The following PDE4A variants were observed in gnomAD, a reference collection of about 807,000 sequenced individuals.
The protein encoded by PDE4A is phosphodiesterase 4A, also known as 3',5'-cyclic-AMP phosphodiesterase 4A.
A neutral mutation model predicts 73.9 loss-of-function variants in PDE4A; 21 were observed. That is an observed-to-expected ratio of 0.28 (90% CI 0.20 to 0.41). The LOEUF (loss-of-function observed/expected upper bound fraction) is 0.41, where lower values mean the gene tolerates loss of function less well. Ranked by LOEUF, PDE4A falls within the 10% of genes least tolerant of loss-of-function variation. The probability of loss-of-function intolerance (pLI) is 1.00; values close to 1 mark genes in which losing one functional copy is unlikely to be tolerated. For missense variants in PDE4A, 958 were observed against 1,211.4 expected, an observed-to-expected ratio of 0.79 and a Z score of 3.10; for synonymous variants, 463 against 505.4, an observed-to-expected ratio of 0.92 and a Z score of 1.13.
chr19:10,452,154 G>T (rs1177861533), intron 6 of PDE4A, among the ~76,000 whole-genome samples: 1 of 151,858 alleles, frequency 6.6e-6, no homozygotes, highest in East Asian at 1.9e-4. Context: ...TGGAAAGTGT[G>T]TCTGTGGGTG....
intron 1 of PDE4A, among the ~76,000 whole-genome samples, chr19:10,427,230 G>T (rs2042729000): frequency 6.6e-6 from 1 of 152,188 alleles, no homozygotes; most frequent in Non-Finnish European, 1.5e-5. Context: ...AACCCAGGAA[G>T]TGGAGGTTGC....
chr19:10,458,134 A>T lies in PDE4A; in HGVS notation c.1101+32A>T, dbSNP rs1408069509. On this transcript the variant is annotated intron_variant, in intron 8 of 14. Coordinates refer to ENST00000380702, the MANE Select transcript of PDE4A (RefSeq NM_001111307.2). This position sits in a 1 kb window ranked among gnomAD's most constrained non-coding sequence, Gnocchi z 4.6. ...GGGGGCTCAGTAGGGGCAGGGCTGG[A>T]GGGGGTGGTCTCCTGGGACCCTGAG... The T allele has an allele frequency of 6.2e-7, 1 of 1,605,368 alleles. No homozygotes were observed. The highest frequency in any genetic ancestry group is 8.5e-7 in the Non-Finnish European group (1 of 1,173,086).
At position 10,467,471 on chromosome 19, in the gene PDE4A, G is replaced by A. The variant is rs1223968611; in HGVS notation, c.2511G>A (p.Pro837=). ...TTTCAGAGCATGCCCCGGGCCTCCC[G>A]GGCCTCCCCTCCACGGCGGCCGAGG... ...LSVSEHAPGL[P]GLPSTAAEVE... is the part of the protein sequence containing the mutation. Residue 837 remains proline, a synonymous_variant, in exon 15 of 15, where the codon CCG becomes CCA. Transcript: ENST00000380702. The A allele has an allele frequency of 1.4e-5, 22 of 1,612,900 alleles. No homozygotes were observed. The highest frequency in any genetic ancestry group is 5.5e-5 in the South Asian group (5 of 91,064).
intron 14 of PDE4A, chr19:10,464,504 A>G: frequency 2.2e-6 from 1 of 449,592 alleles, no homozygotes; most frequent in South Asian, 1.6e-5. Context: ...GCAGCCTTGA[A>G]TTCCTGGGCT....
intron 4 of PDE4A, among the ~76,000 whole-genome samples, chr19:10,449,871 G>A (rs2043064950): frequency 6.6e-6 from 1 of 151,888 alleles, no homozygotes; most frequent in Non-Finnish European, 1.5e-5. Flanking sequence ...AAGGCAGGAG[G>A]TCACTTGAAT....
Position 10,420,912 on chromosome 19 carries a change from G to C in PDE4A, c.148G>C (p.Asp50His), listed in dbSNP as rs1398952354. The change falls in exon 1 of 15, where the codon GAC becomes CAC. Residue 50 changes from aspartate (D) to histidine (H), a missense_variant. Physicochemically the swap from Asp to His is moderately conservative, Grantham distance 81. This residue lies in a region of PDE4A where 145 missense variants were observed against 137.8 expected (regional missense o/e 1.05). Transcript: ENST00000380702. This position sits in a 1 kb window ranked among gnomAD's most constrained non-coding sequence, Gnocchi z 6.0. ...CCGTATCCAGCAGCGCGGCTACTCC[G>C]ACAGCGCGGAGCGCGCCGAGCGGGA... ...PIRIQQRGYS[D>H]SAERAERERQ... 1.9e-6 allele frequency: 3 copies of C among 1,584,850 alleles called. No homozygotes were observed. Among genetic ancestry groups the C allele is most frequent in the Admixed American group, 3.4e-5 (2 of 58,824 alleles).
chr19:10,419,264 T>C (rs918908657), upstream of PDE4A, among the ~76,000 whole-genome samples: 5 of 68,540 alleles, frequency 7.3e-5, no homozygotes, highest in East Asian at 4.5e-4. Flanking sequence ...GCGCGTGCAC[T>C]CCCCCCGCCC....
rs58606489 is a variant in PDE4A, at chr19:10,426,012, A to AAAAG, written c.320+4929_320+4930insAAGA. 3.8e-3 allele frequency among the ~76,000 whole-genome samples: 533 copies of AAAAG among 140,648 alleles called. 25 individuals carry two copies. The highest frequency in any genetic ancestry group is 0.014 in the African/African-American group (491 of 35,438). 92.3% of individuals were successfully genotyped at this position (140,648 alleles called of 152,430 possible). A position where few individuals can be genotyped will look rare whatever the true frequency, so the allele number is the denominator to read the frequency against. The stretch of plus-strand genomic sequence containing the variant: ...AAAAAAAAAAAAAAAAAAAAAAAAA[A>AAAAG]AGGAAGGAGGGAAGGAAGGAAAGAA... On this transcript the variant is annotated intron_variant, in intron 1 of 14. Coordinates refer to ENST00000380702, the MANE Select transcript of PDE4A (RefSeq NM_001111307.2).
At chr19:10,422,664 AC>A (rs1365039848) in intron 1 of PDE4A, among the ~76,000 whole-genome samples, 1 of 151,126 alleles carries the variant, frequency 6.6e-6, no homozygotes, top group Admixed American at 6.6e-5. Flanking sequence ...CCTCCAGGCC[AC>A]CCCCACCTCT....
chr19:10,449,206 T>C (rs1158878977), intron 4 of PDE4A, 56 bp downstream of exon 4: 3 of 1,573,206 alleles, frequency 1.9e-6, no homozygotes, highest in Middle Eastern at 1.7e-4. Context: ...ATATGCGGGT[T>C]CTGCTCTCAG....
rs1200670579 is a variant in PDE4A at position 10,424,184 on chromosome 19, C to T, written c.320+3100C>T. ...AGACGGCTGAGTCACGGCACAGCCA[C>T]GATCTGTCAAGAGGCAGATGGAGAG... On this transcript the variant is annotated intron_variant, in intron 1 of 14. Transcript: ENST00000380702. This position sits in a 1 kb window ranked among gnomAD's most constrained non-coding sequence, Gnocchi z 4.8. 3.9e-5 allele frequency among the ~76,000 whole-genome samples: 6 copies of T among 152,184 alleles called. No homozygotes were observed. Among genetic ancestry groups the T allele is most frequent in the Admixed American group, 3.3e-4 (5 of 15,284 alleles).
At chr19:10,460,138 C>A (rs2043239152) in intron 10 of PDE4A, among the ~76,000 whole-genome samples, 1 of 151,952 alleles carries the variant, frequency 6.6e-6, no homozygotes, top group African/African-American at 2.4e-5. Flanking sequence ...CCGCCTTGGC[C>A]TCCCAAAGTG....
At chr19:10,434,185 CCTT>C (rs1434456027) in intron 1 of PDE4A, among the ~76,000 whole-genome samples, 7 of 150,802 alleles carry the variant, frequency 4.6e-5, no homozygotes, top group South Asian at 2.1e-4. Flanking sequence ...TTCTTCCTTT[CCTT>C]CTTTCCTTCT....
chr19:10,417,726 C>T (rs767294799), upstream of PDE4A: 3 of 1,590,446 alleles, frequency 1.9e-6, no homozygotes, highest in African/African-American at 1.3e-5. Context: ...TCGCCCTCGC[C>T]GCCGCCTCTC....
chr19:10,445,430 A>G (rs770531894), intron 1 of PDE4A, among the ~76,000 whole-genome samples: 34 of 152,146 alleles, frequency 2.2e-4, no homozygotes, highest in Non-Finnish European at 7.4e-5. Context: ...CATCTTTGCA[A>G]TTCTGTGTCT....
At position 10,450,595 on chromosome 19, in the gene PDE4A, T is replaced by C; in HGVS notation, c.621-8T>C. The C allele has an allele frequency of 6.2e-7, 1 of 1,603,998 alleles. No homozygotes were observed. Among genetic ancestry groups the C allele is most frequent in the Non-Finnish European group, 8.5e-7 (1 of 1,176,068 alleles). ...TGACATTGCAGCCCCATTTTTTTTTTTCTGCAGGCGGTCCCCGCTGGGCGG... is the reference window on the plus strand; with the variant it reads ...TGACATTGCAGCCCCATTTTTTTTTCTCTGCAGGCGGTCCCCGCTGGGCGG... On this transcript the variant is annotated splice_polypyrimidine_tract_variant and splice_region_variant and intron_variant, in intron 4 of 14. Coordinates refer to ENST00000380702, the MANE Select transcript of PDE4A (RefSeq NM_001111307.2).
chr19:10,424,943 TCGGCCAGG>T lies in PDE4A; in HGVS notation c.320+3862_320+3869del, dbSNP rs2042698286. 6.6e-6 allele frequency among the ~76,000 whole-genome samples: 1 copy of T among 152,092 alleles called. No homozygotes were observed. Among genetic ancestry groups the T allele is most frequent in the African/African-American group, 2.4e-5 (1 of 41,422 alleles). On this transcript the variant is annotated intron_variant, in intron 1 of 14. Transcript: ENST00000380702. The surrounding 1 kb of genome is among the most constrained non-coding windows in gnomAD (Gnocchi z 4.8). ...GAGAATAGGAGTTAAAAACCAGATCTCGGCCAGGCGCGGTGGCTCTGTAATCTGAGCAC... is the reference window on the plus strand; with the variant it reads ...GAGAATAGGAGTTAAAAACCAGATCTCGCGGTGGCTCTGTAATCTGAGCAC...
At chr19:10,459,937 G>A (rs1490447258) in intron 10 of PDE4A, among the ~76,000 whole-genome samples, 178 bp downstream of exon 10, 2 of 151,954 alleles carry the variant, frequency 1.3e-5, no homozygotes, top group African/African-American at 4.8e-5. Context: ...CTAGAGTGCA[G>A]TGGCACGATC....
chr19:10,431,378 G>A (rs908093950), intron 1 of PDE4A, among the ~76,000 whole-genome samples: 3 of 152,236 alleles, frequency 2.0e-5, no homozygotes, highest in African/African-American at 4.8e-5. Context: ...TCATCCTGGG[G>A]TATGTGTTCA....
Sources: gnomAD v4.1 joint callset for allele counts (sites outside exome capture counted in the v4.1 genomes callset) on GRCh38, gnomAD v4.1.1 for gene constraint, gnomAD v4.1.1 regional missense constraint, Gnocchi (gnomAD v3.1) non-coding constraint, MANE v1.5 for transcripts, NCBI Gene and HGNC (gene_info 2026-07-23, HGNC 2026-07-21) for gene names.